TMEM238L: variants seen among roughly 807,000 people sequenced by gnomAD.
TMEM238L encodes transmembrane protein 238-like.
chr17:10,800,977 G>T (rs1247125758), intron 1 of TMEM238L, among the ~76,000 whole-genome samples: 3 of 151,896 alleles, frequency 2.0e-5, no homozygotes, highest in African/African-American at 7.3e-5. Context: ...GGCCGGGGTG[G>T]TCTCTTGGAA....
chr17:10,798,105 C>T (rs1350794277), intron 1 of TMEM238L, among the ~76,000 whole-genome samples: 5 of 151,912 alleles, frequency 3.3e-5, no homozygotes, highest in African/African-American at 1.2e-4. Context: ...TGGACTGCCC[C>T]CTACCCACCA....
At chr17:10,797,000 C>T (rs955857868) in intron 1 of TMEM238L, among the ~76,000 whole-genome samples, 2 of 152,092 alleles carry the variant, frequency 1.3e-5, no homozygotes, top group Non-Finnish European at 2.9e-5. Flanking sequence ...TGAGAGTGAA[C>T]GAGCCAGTCT....
At chr17:10,798,388 G>A (rs112848706) in intron 1 of TMEM238L, among the ~76,000 whole-genome samples, 1 of 152,154 alleles carries the variant, frequency 6.6e-6, no homozygotes, top group African/African-American at 2.4e-5. Flanking sequence ...CACAGCCCTG[G>A]CACCATGTCT....
intron 1 of TMEM238L, among the ~76,000 whole-genome samples, chr17:10,801,525 C>T (rs897735942): frequency 6.6e-6 from 1 of 152,178 alleles, no homozygotes; most frequent in South Asian, 2.1e-4. Context: ...GCCATTGCCT[C>T]TCCCTGAAAG....
chr17:10,797,572 G>A (rs76755975), intron 1 of TMEM238L, among the ~76,000 whole-genome samples: 2,185 of 151,976 alleles, frequency 0.014, 12 homozygotes, highest in Non-Finnish European at 0.023. Flanking sequence ...AGTTCTGCTC[G>A]TATACGATTT....
At chr17:10,796,826 G>C (rs1431391157) in intron 1 of TMEM238L, among the ~76,000 whole-genome samples, 2 of 152,256 alleles carry the variant, frequency 1.3e-5, no homozygotes, top group South Asian at 4.1e-4. Flanking sequence ...ATGGATCAAG[G>C]TTCTGACTTG....
At chr17:10,798,235 A>G (rs1351432106) in intron 1 of TMEM238L, among the ~76,000 whole-genome samples, 2 of 151,960 alleles carry the variant, frequency 1.3e-5, no homozygotes, top group South Asian at 4.2e-4. Context: ...GCCTCCTCTC[A>G]GCTTTCAGAG....
chr17:10,801,286 C>A (rs1399540842), intron 1 of TMEM238L, among the ~76,000 whole-genome samples: 1 of 152,166 alleles, frequency 6.6e-6, no homozygotes, highest in East Asian at 1.9e-4. Context: ...GATCTGCCCA[C>A]CTCGGCCTCC....
intron 1 of TMEM238L, chr17:10,802,508 G>C (rs9897618): frequency 2.6e-5 from 4 of 152,340 alleles, no homozygotes; most frequent in African/African-American, 9.7e-5. Flanking sequence ...TCATTTCCTA[G>C]GTATGGGCTT....
At chr17:10,796,608 A>G (rs1904553845) in intron 1 of TMEM238L, among the ~76,000 whole-genome samples, 1 of 152,226 alleles carries the variant, frequency 6.6e-6, no homozygotes, top group South Asian at 2.1e-4. Context: ...AGAAAGGCAC[A>G]TTGCTGGGTC....
At chr17:10,804,057 C>T (rs998018127) in exon 1 of TMEM238L, 84 of 402,348 alleles carry the variant, frequency 2.1e-4, no homozygotes, top group Non-Finnish European at 4.8e-5. Flanking sequence ...TCTCTGCCTG[C>T]TGGGTGTGAG....
chr17:10,798,695 A>G (rs1904635727), intron 1 of TMEM238L, among the ~76,000 whole-genome samples: 1 of 150,452 alleles, frequency 6.6e-6, no homozygotes, highest in Non-Finnish European at 1.5e-5. Flanking sequence ...GTGTTTCTGG[A>G]TGTGTGTGGT....
chr17:10,798,494 A>G (rs1258284465), intron 1 of TMEM238L, among the ~76,000 whole-genome samples: 1 of 152,164 alleles, frequency 6.6e-6, no homozygotes, highest in Admixed American at 6.5e-5. Context: ...CTCTGTGGGC[A>G]GAGGGGAGAG....
At chr17:10,802,004 A>G (rs1344418939) in intron 1 of TMEM238L, among the ~76,000 whole-genome samples, 1 of 151,936 alleles carries the variant, frequency 6.6e-6, no homozygotes, top group African/African-American at 2.4e-5. Context: ...GCTGGTCTTG[A>G]ACTCCTGACC....
At chr17:10,801,603 C>T (rs963297806) in intron 1 of TMEM238L, among the ~76,000 whole-genome samples, 10 of 152,170 alleles carry the variant, frequency 6.6e-5, no homozygotes, top group African/African-American at 9.7e-5. Context: ...GGAAGCTTTC[C>T]CTGACTCCAT....
At chr17:10,804,085 GCTT>G (rs1904830423) in exon 1 of TMEM238L, 1 of 398,974 alleles carries the variant, frequency 2.5e-6, no homozygotes, top group South Asian at 1.4e-4. Context: ...GCGAGCTGGC[GCTT>G]CTTGGAGCCA....
chr17:10,796,649 T>G (rs1239017340), intron 1 of TMEM238L, among the ~76,000 whole-genome samples: 1 of 152,218 alleles, frequency 6.6e-6, no homozygotes, highest in Non-Finnish European at 1.5e-5. Flanking sequence ...GGCTTCAGCC[T>G]TTTTTTGATG....
chr17:10,799,587 C>A (rs1163236697), intron 1 of TMEM238L, among the ~76,000 whole-genome samples: 1 of 152,182 alleles, frequency 6.6e-6, no homozygotes, highest in African/African-American at 2.4e-5. Context: ...TTCCTTTTAC[C>A]CCGCTCTGAG....
At chr17:10,798,519 A>G (rs1904629147) in intron 1 of TMEM238L, among the ~76,000 whole-genome samples, 1 of 152,160 alleles carries the variant, frequency 6.6e-6, no homozygotes, top group Admixed American at 6.5e-5. Context: ...CCTGTTGGAA[A>G]AAGTCGAAGT....
Sources: gnomAD v4.1 joint callset for allele counts (sites outside exome capture counted in the v4.1 genomes callset) on GRCh38, gnomAD v4.1.1 for gene constraint, MANE v1.5 for transcripts, NCBI Gene and HGNC (gene_info 2026-07-23, HGNC 2026-07-21) for gene names.